LRRC7: variants seen among roughly 807,000 people sequenced by gnomAD.
LRRC7 encodes leucine rich repeat containing 7, also known as leucine-rich repeat-containing protein 7.
LRRC7 carries 23 observed loss-of-function variants against 175.7 expected under a neutral mutation model. The observed-to-expected ratio is 0.13, with a 90% CI of 0.09 to 0.19. The LOEUF (loss-of-function observed/expected upper bound fraction) is 0.19. Ranked by LOEUF, LRRC7 falls within the 10% of genes least tolerant of loss-of-function variation. The pLI, the probability that LRRC7 is intolerant of heterozygous loss-of-function variation, is 1.00. For missense variants in LRRC7, 1,354 were observed against 1,904.7 expected (o/e 0.71, Z 5.38); for synonymous variants, 685 against 680.9 (o/e 1.01, Z -0.09).
chr1:69,721,138 C>T (rs1352342297), intron 2 of LRRC7, among the ~76,000 whole-genome samples: 1 of 151,808 alleles, frequency 6.6e-6, no homozygotes, highest in Non-Finnish European at 1.5e-5. Flanking sequence ...CACCATCTAT[C>T]CCCACACATT....
intron 7 of LRRC7, among the ~76,000 whole-genome samples, chr1:69,910,022 C>T (rs1248044240): frequency 3.9e-5 from 6 of 152,234 alleles, no homozygotes; most frequent in South Asian, 2.1e-4. Flanking sequence ...TCATTCATTT[C>T]GTCTTCCATC....
chr1:70,121,512 C>A (rs1425729618), intron 26 of LRRC7, among the ~76,000 whole-genome samples: 1 of 152,024 alleles, frequency 6.6e-6, no homozygotes, highest in African/African-American at 2.4e-5. Context: ...TACTATGTCA[C>A]CAGTACATCT....
chr1:70,144,248 T>C lies in LRRC7; in HGVS notation c.*22361T>C, dbSNP rs1326514679. 6.6e-6 allele frequency: 1 copy of C among 152,206 alleles called. No individual in the cohort carries two copies. The highest frequency in any genetic ancestry group is 1.5e-5 in the Non-Finnish European group (1 of 68,032). The allele number at this position is 152,206 out of a possible 1,614,324, so 9.4% of individuals were successfully genotyped here. ...GACTAAAATAATGCTGTGCAGTGTATAGCAGAGCCATTTTTCGGCTTTGGT... is the reference window on the plus strand; with the variant it reads ...GACTAAAATAATGCTGTGCAGTGTACAGCAGAGCCATTTTTCGGCTTTGGT... On this transcript the variant is annotated 3_prime_UTR_variant, in exon 27 of 27. Transcript: ENST00000651989.
At chr1:69,917,708 A>G (rs1020359455) in intron 7 of LRRC7, among the ~76,000 whole-genome samples, 1 of 152,286 alleles carries the variant, frequency 6.6e-6, no homozygotes, top group Admixed American at 6.5e-5. Flanking sequence ...GACAAACACT[A>G]CATCCCAGAA....
chr1:69,882,537 T>A (rs1020318204), intron 7 of LRRC7, among the ~76,000 whole-genome samples: 1 of 151,812 alleles, frequency 6.6e-6, no homozygotes, highest in African/African-American at 2.4e-5. Context: ...AAACACTATA[T>A]AAATATCATT....
At chr1:69,681,765 T>C (rs1660517113) in intron 2 of LRRC7, among the ~76,000 whole-genome samples, 1 of 152,132 alleles carries the variant, frequency 6.6e-6, no homozygotes, top group African/African-American at 2.4e-5. Flanking sequence ...TTTACTTGCC[T>C]CCCACTCACT....
rs1443624417 is a variant in LRRC7 at position 70,132,469 on chromosome 1, T to C, written c.*10582T>C. Among the ~76,000 whole-genome samples, 21 of 133,952 alleles carry C rather than the reference T, an allele frequency of 1.6e-4. No homozygotes were observed. Among genetic ancestry groups the C allele is most frequent in the East Asian group, 6.5e-4 (3 of 4,644 alleles). The allele number at this position is 133,952 out of a possible 152,430, so 87.9% of individuals were successfully genotyped here. A position where few individuals can be genotyped will look rare whatever the true frequency, so the allele number is the denominator to read the frequency against. ...TTTCTTTTCTTTTCTTTTTTTTTTT[T>C]TTTTTTTTTTTTTTGAGACGGAGTC... On this transcript the variant is annotated 3_prime_UTR_variant, in exon 27 of 27. Coordinates refer to ENST00000651989, the MANE Select transcript of LRRC7 (RefSeq NM_001370785.2).
intron 7 of LRRC7, among the ~76,000 whole-genome samples, chr1:69,909,890 C>T (rs546563965): frequency 1.3e-5 from 2 of 152,098 alleles, no homozygotes; most frequent in Non-Finnish European, 1.5e-5. Context: ...CCATTCTCCC[C>T]ATCATTTTCA....
chr1:69,629,894 C>T (rs1033954001), intron 1 of LRRC7, among the ~76,000 whole-genome samples: 4 of 152,080 alleles, frequency 2.6e-5, no homozygotes, highest in African/African-American at 9.7e-5. Context: ...TTCACTATCA[C>T]CCTTTCAACT....
intron 11 of LRRC7, among the ~76,000 whole-genome samples, chr1:69,995,092 A>G (rs1177891328): frequency 1.3e-5 from 2 of 152,204 alleles, no homozygotes; most frequent in Admixed American, 6.5e-5. Flanking sequence ...TTTAGAAGCT[A>G]AGGAGAAAAG....
intron 21 of LRRC7, among the ~76,000 whole-genome samples, chr1:70,040,027 T>C (rs1031757291): frequency 1.3e-5 from 2 of 152,188 alleles, no homozygotes; most frequent in East Asian, 3.9e-4. Context: ...CTAACCCAAA[T>C]ATTGTTAGTA....
intron 7 of LRRC7, among the ~76,000 whole-genome samples, chr1:69,922,001 C>G (rs1472504883): frequency 6.6e-6 from 1 of 152,216 alleles, no homozygotes; most frequent in Non-Finnish European, 1.5e-5. Context: ...TCTCGGCTCA[C>G]TGCAACCTCT....
chr1:69,647,792 TA>T (rs926869718), intron 1 of LRRC7, among the ~76,000 whole-genome samples: 2 of 152,192 alleles, frequency 1.3e-5, no homozygotes, highest in Non-Finnish European at 2.9e-5. Context: ...CTATCTACTT[TA>T]GACTACATGC....
intron 7 of LRRC7, among the ~76,000 whole-genome samples, chr1:69,856,346 C>T (rs1683624564): frequency 6.6e-6 from 1 of 151,890 alleles, no homozygotes; most frequent in Admixed American, 6.6e-5. Flanking sequence ...AAAAGATCAA[C>T]AAAATTGATA....
rs893361083 is a variant in LRRC7 at position 69,678,552 on chromosome 1, A to G, written c.100+74A>G. 20 of 993,272 alleles carry G rather than the reference A, an allele frequency of 2.0e-5. 1 individual carries two copies. In the Admixed American group the frequency reaches 3.9e-4, roughly 20 times the overall value. 61.5% of individuals were successfully genotyped at this position (993,272 alleles called of 1,614,324 possible). A position where few individuals can be genotyped will look rare whatever the true frequency, so the allele number is the denominator to read the frequency against. ...GTAGCATAGTAAAATGAAATGAGTG[A>G]CCTTTAAATGGTTAGTCAAGCAATA... On this transcript the variant is annotated intron_variant, in intron 2 of 26. Coordinates refer to ENST00000651989, the MANE Select transcript of LRRC7 (RefSeq NM_001370785.2).
intron 2 of LRRC7, among the ~76,000 whole-genome samples, chr1:69,692,303 C>T (rs866675451): frequency 3.5e-4 from 54 of 152,274 alleles, no homozygotes; most frequent in African/African-American, 1.2e-3. Context: ...CACTTCCTAA[C>T]GGAGTTAGAA....
chr1:69,781,860 A>AGAAGGAAG (rs145369413), intron 3 of LRRC7, among the ~76,000 whole-genome samples: 4 of 109,338 alleles, frequency 3.7e-5, no homozygotes, highest in Non-Finnish European at 5.4e-5. Context: ...AGAAAGAAAG[A>AGAAGGAAG]GAAGGAAGGA....
chr1:69,998,447 T>C (rs1655221315), intron 11 of LRRC7, among the ~76,000 whole-genome samples: 1 of 152,206 alleles, frequency 6.6e-6, no homozygotes, highest in African/African-American at 2.4e-5. Flanking sequence ...GCCCTCACTA[T>C]ACAGTGTGTT....
At chr1:70,088,254 T>G (rs1261646820) in intron 24 of LRRC7, among the ~76,000 whole-genome samples, 1 of 152,146 alleles carries the variant, frequency 6.6e-6, no homozygotes, top group Non-Finnish European at 1.5e-5. Context: ...ATACTTACTC[T>G]GTACTTAAAA....
Sources: allele counts gnomAD v4.1 joint callset (sites outside exome capture counted in the v4.1 genomes callset), GRCh38; gene constraint gnomAD v4.1.1; transcripts MANE v1.5; gene names NCBI Gene and HGNC (gene_info 2026-07-23, HGNC 2026-07-21).